The following NAALADL2 variants were observed in gnomAD, a reference collection of about 807,000 sequenced individuals.
The protein encoded by NAALADL2 is inactive N-acetylated-alpha-linked acidic dipeptidase-like protein 2.
A neutral mutation model predicts 87.2 loss-of-function variants in NAALADL2; 76 were observed. The observed-to-expected ratio is 0.87, with a 90% CI of 0.72 to 1.05. The LOEUF is 1.05. Among genes scored for constraint, NAALADL2 ranks in the 50% least tolerant of loss-of-function variants. The probability of loss-of-function intolerance (pLI) is 0.00; values close to 1 mark genes in which losing one functional copy is unlikely to be tolerated. For missense variants in NAALADL2, 1,089 were observed against 945.8 expected (o/e 1.15, Z -1.99); for synonymous variants, 354 against 331.0 (o/e 1.07, Z -0.75).
chr3:175,712,091 T>G (rs554939332), intron 11 of NAALADL2, among the ~76,000 whole-genome samples: 23 of 152,030 alleles, frequency 1.5e-4, no homozygotes, highest in Admixed American at 5.3e-4. Flanking sequence ...TTATTTAAAT[T>G]TATAGAGAAA....
chr3:174,885,362 A>G (rs2109748257), intron 1 of NAALADL2, among the ~76,000 whole-genome samples: 1 of 152,264 alleles, frequency 6.6e-6, no homozygotes, highest in South Asian at 2.1e-4. Flanking sequence ...TGAAGCCGGG[A>G]GAAGAATCGC....
chr3:174,695,643 C>T (rs1257596438), intron 2 of NAALADL2, among the ~76,000 whole-genome samples: 3 of 151,944 alleles, frequency 2.0e-5, no homozygotes, highest in Non-Finnish European at 2.9e-5. Flanking sequence ...AGGGAGCATA[C>T]AATGCTGGAA....
At chr3:174,527,778 A>C (rs1251797867) in intron 1 of NAALADL2, among the ~76,000 whole-genome samples, 1 of 152,202 alleles carries the variant, frequency 6.6e-6, no homozygotes, top group Non-Finnish European at 1.5e-5. Context: ...ATATTCAAAC[A>C]TAAGTGTTTC....
intron 10 of NAALADL2, among the ~76,000 whole-genome samples, chr3:175,602,480 AGC>A (rs71164644): frequency 0.5 from 75,636 of 150,560 alleles, 21,671 homozygotes; most frequent in South Asian, 0.69. Flanking sequence ...AGAGAGAGAG[AGC>A]GAGCTAAATA....
chr3:174,552,970 A>C (rs1469883501), intron 2 of NAALADL2, among the ~76,000 whole-genome samples: 1 of 152,166 alleles, frequency 6.6e-6, no homozygotes, highest in Admixed American at 6.6e-5. Context: ...TACACGTTAT[A>C]AACTTTAAGT....
intron 2 of NAALADL2, among the ~76,000 whole-genome samples, chr3:174,730,246 AT>A (rs1478644475): frequency 6.6e-6 from 1 of 152,094 alleles, no homozygotes; most frequent in South Asian, 2.1e-4. Context: ...TGACAAGATC[AT>A]TGTGTATTCT....
chr3:175,346,350 T>C (rs1234167656), intron 5 of NAALADL2, among the ~76,000 whole-genome samples: 1 of 152,028 alleles, frequency 6.6e-6, no homozygotes, highest in Non-Finnish European at 1.5e-5. Context: ...CATGTACAAA[T>C]ATGCATGTGT....
intron 3 of NAALADL2, among the ~76,000 whole-genome samples, chr3:174,752,940 TAC>T: frequency 6.6e-6 from 1 of 152,370 alleles, no homozygotes; most frequent in African/African-American, 2.4e-5. Flanking sequence ...GGAAGGCCTA[TAC>T]ACATTTAATA....
At chr3:175,208,265 T>C (rs1741240359) in intron 2 of NAALADL2, among the ~76,000 whole-genome samples, 1 of 152,132 alleles carries the variant, frequency 6.6e-6, no homozygotes, top group South Asian at 2.1e-4. Context: ...TTTCAGCAGT[T>C]TGGGTATGTC....
intron 1 of NAALADL2, among the ~76,000 whole-genome samples, chr3:174,940,848 C>G (rs893663718): frequency 6.6e-6 from 1 of 151,768 alleles, no homozygotes; most frequent in Non-Finnish European, 1.5e-5. Flanking sequence ...TGTGGGGTCA[C>G]TGGTAGCATT....
chr3:175,531,153 C>T (rs1459542612), intron 9 of NAALADL2, among the ~76,000 whole-genome samples: 1 of 152,076 alleles, frequency 6.6e-6, no homozygotes, highest in Non-Finnish European at 1.5e-5. Context: ...GAGACTTCTC[C>T]TGTTCTGGAC....
rs183634459 is a variant in NAALADL2, at chr3:175,268,559, T to A, written c.939+12029T>A. Among the ~76,000 whole-genome samples, 279 of 152,218 alleles carry A rather than the reference T, an allele frequency of 1.8e-3. 2 individuals are homozygous for A. The highest frequency in any genetic ancestry group is 0.01 in the Middle Eastern group (3 of 294). On this transcript the variant is annotated intron_variant, in intron 4 of 13. Transcript: ENST00000454872. Reference sequence around the variant, plus strand: ...TAAATTAATCTTATGTTACTATAGCTTTTTTACTTTATGAACTTTTTACTT... The same window carrying A: ...TAAATTAATCTTATGTTACTATAGCATTTTTACTTTATGAACTTTTTACTT...
At chr3:174,887,075 A>G (rs1730250878) in intron 1 of NAALADL2, among the ~76,000 whole-genome samples, 1 of 152,140 alleles carries the variant, frequency 6.6e-6, no homozygotes, top group Non-Finnish European at 1.5e-5. Flanking sequence ...TTATATAAGG[A>G]GCTTCCATCT....
intron 1 of NAALADL2, among the ~76,000 whole-genome samples, chr3:174,880,739 G>T (rs535085714): frequency 9.2e-5 from 14 of 151,830 alleles, no homozygotes; most frequent in Admixed American, 8.5e-4. Flanking sequence ...AGATATATTC[G>T]TTTCTTCAGG....
chr3:175,029,829 A>G (rs1341409946), intron 1 of NAALADL2, among the ~76,000 whole-genome samples: 1 of 152,086 alleles, frequency 6.6e-6, no homozygotes, highest in African/African-American at 2.4e-5. Flanking sequence ...TAATGGCTCA[A>G]AGGACATTAT....
intron 11 of NAALADL2, among the ~76,000 whole-genome samples, chr3:175,695,645 C>T (rs1009658358): frequency 6.6e-6 from 1 of 152,000 alleles, no homozygotes; most frequent in African/African-American, 2.4e-5. Flanking sequence ...AGCAACCATC[C>T]TTTTCAGATA....
chr3:175,706,697 C>T (rs1442710782), intron 11 of NAALADL2, among the ~76,000 whole-genome samples: 1 of 152,126 alleles, frequency 6.6e-6, no homozygotes, highest in Non-Finnish European at 1.5e-5. Context: ...TTCTAGAACA[C>T]ATTGATACAT....
intron 9 of NAALADL2, among the ~76,000 whole-genome samples, chr3:175,487,375 C>CT (rs574786391): frequency 1.3e-5 from 2 of 152,160 alleles, no homozygotes; most frequent in Non-Finnish European, 2.9e-5. Context: ...GCATAGTTGT[C>CT]TGTTTTGTAC....
At chr3:175,028,454 A>G (rs1752453923) in intron 1 of NAALADL2, among the ~76,000 whole-genome samples, 1 of 152,072 alleles carries the variant, frequency 6.6e-6, no homozygotes, top group Non-Finnish European at 1.5e-5. Context: ...TGGATTTAGA[A>G]GCTATTTTTA....
Sources: allele counts gnomAD v4.1 joint callset (sites outside exome capture counted in the v4.1 genomes callset), GRCh38; gene constraint gnomAD v4.1.1; transcripts MANE v1.5; gene names NCBI Gene and HGNC (gene_info 2026-07-23, HGNC 2026-07-21).